The following CCDC92 variants were observed in gnomAD, a reference collection of about 807,000 sequenced individuals.
The protein encoded by CCDC92 is coiled-coil domain containing 92.
CCDC92 carries 12 observed loss-of-function variants against 24.9 expected under a neutral mutation model. The observed-to-expected ratio is 0.48, with a 90% CI of 0.31 to 0.78. CCDC92 has a LOEUF of 0.78. Ranked by LOEUF, CCDC92 falls within the 30% of genes least tolerant of loss-of-function variation. The pLI is 0.05. For synonymous variants in CCDC92, 193 were observed against 196.3 expected, an observed-to-expected ratio of 0.98 and a Z score of 0.14; for missense variants, 399 against 439.4, an observed-to-expected ratio of 0.91 and a Z score of 0.82.
chr12:123,939,810 C>A (rs976831009), intron 4 of CCDC92, among the ~76,000 whole-genome samples: 10 of 152,164 alleles, frequency 6.6e-5, no homozygotes, highest in Non-Finnish European at 1.5e-4. Flanking sequence ...ACTGTAAGAC[C>A]CAGGAGCCCA....
At chr12:123,965,580 G>A (rs556388575) in intron 1 of CCDC92, among the ~76,000 whole-genome samples, 20 of 152,150 alleles carry the variant, frequency 1.3e-4, no homozygotes, top group African/African-American at 3.9e-4. Flanking sequence ...TGAATAACAC[G>A]GTCAAGGTTA....
At chr12:123,939,244 C>T (rs1200080841) in intron 4 of CCDC92, among the ~76,000 whole-genome samples, 2 of 152,170 alleles carry the variant, frequency 1.3e-5, no homozygotes, top group South Asian at 2.1e-4. Flanking sequence ...CGCCACTGGA[C>T]GTCTTTCCCG....
Position 123,967,091 on chromosome 12 carries a change from G to A in CCDC92, c.-60+5438C>T, listed in dbSNP as rs139600399. Among the ~76,000 whole-genome samples the A allele has an allele frequency of 5.3e-5, 8 of 152,126 alleles. No individual in the cohort carries two copies. The East Asian group carries it at 7.7e-4, about 15-fold the overall frequency. On this transcript the variant is annotated intron_variant, in intron 1 of 4. Coordinates refer to ENST00000238156, the MANE Select transcript of CCDC92 (RefSeq NM_025140.3). ...AAACTTGTCAAAAACTGACTTGACC[G>A]CTTTATTGATGGAAAGCAATTCCTC...
At chr12:123,943,238 G>C in intron 3 of CCDC92, 109 bp downstream of exon 3, 2 of 1,222,772 alleles carry the variant, frequency 1.6e-6, no homozygotes, top group Non-Finnish European at 2.3e-6. Flanking sequence ...ATGGACTCCT[G>C]CAACGATGAT....
chr12:123,948,312 ACATTT>A (rs1955935113), intron 1 of CCDC92, among the ~76,000 whole-genome samples: 1 of 152,252 alleles, frequency 6.6e-6, no homozygotes, highest in Non-Finnish European at 1.5e-5. Context: ...GTGTGGTATT[ACATTT>A]CATTTGTAAC....
intron 1 of CCDC92, among the ~76,000 whole-genome samples, chr12:123,956,843 GTAT>G (rs1437904101): frequency 6.6e-6 from 1 of 152,204 alleles, no homozygotes; most frequent in Non-Finnish European, 1.5e-5. Context: ...CAGGACAACT[GTAT>G]TTCATAGATT....
At chr12:123,944,134 A>G (rs1955774331) in intron 2 of CCDC92, 138 bp downstream of exon 2, 1 of 671,224 alleles carries the variant, frequency 1.5e-6, no homozygotes, top group Non-Finnish European at 2.7e-6. Context: ...GGAGCCACAG[A>G]TCCTTCTTGG....
chr12:123,961,396 A>AG (rs1269230957), intron 1 of CCDC92, among the ~76,000 whole-genome samples: 1 of 152,236 alleles, frequency 6.6e-6, no homozygotes, highest in Non-Finnish European at 1.5e-5. Context: ...GAGTTGGGAC[A>AG]GGAGGAAGCA....
intron 1 of CCDC92, among the ~76,000 whole-genome samples, chr12:123,967,157 C>T (rs898115071): frequency 3.3e-5 from 5 of 151,988 alleles, no homozygotes; most frequent in Admixed American, 6.5e-5. Context: ...GATTACACAT[C>T]CTTCCTCCCC....
chr12:123,968,842 G>C (rs1425599918), intron 1 of CCDC92, among the ~76,000 whole-genome samples: 1 of 152,230 alleles, frequency 6.6e-6, no homozygotes, highest in Non-Finnish European at 1.5e-5. Flanking sequence ...GCTAGAGAAC[G>C]AGAGAGTAAC....
In CCDC92 at chr12:123,937,371, C is replaced by T; in HGVS notation, c.683G>A (p.Ser228Asn). The T allele has an allele frequency of 6.2e-7, 1 of 1,614,064 alleles. No homozygotes were observed. Among genetic ancestry groups the T allele is most frequent in the Non-Finnish European group, 8.5e-7 (1 of 1,180,040 alleles). ...TGGTTCCCGCAAAAGGAGTTTCCTG[C>T]TCTCTGCCCCGAATCTGTAGACCTC... The part of the protein sequence containing the change: ...FEEVYRFGAE[S>N]RKLLLREPVD... The change falls in exon 5 of 5, where the codon AGC (serine) becomes AAC (asparagine). Residue 228 changes from serine to asparagine, a missense_variant. Coordinates refer to ENST00000238156, the MANE Select transcript of CCDC92 (RefSeq NM_025140.3). The surrounding 1 kb of genome is among the most constrained non-coding windows in gnomAD (Gnocchi z 8.4).
chr12:123,967,847 A>C (rs1444255167), intron 1 of CCDC92, among the ~76,000 whole-genome samples: 2 of 152,216 alleles, frequency 1.3e-5, no homozygotes, highest in Non-Finnish European at 2.9e-5. Context: ...GGCTTTAATG[A>C]CTTCTCATAA....
chr12:123,959,134 G>A (rs893433884), intron 1 of CCDC92, among the ~76,000 whole-genome samples: 1 of 152,166 alleles, frequency 6.6e-6, no homozygotes, highest in African/African-American at 2.4e-5. Flanking sequence ...CAAGTCACAC[G>A]TAACTCCCGT....
At chr12:123,952,182 G>A (rs1301393187) in intron 1 of CCDC92, among the ~76,000 whole-genome samples, 1 of 152,192 alleles carries the variant, frequency 6.6e-6, no homozygotes, top group Non-Finnish European at 1.5e-5. Flanking sequence ...GTAAACATTG[G>A]TCAATACTTC....
At position 123,937,926 on chromosome 12, in the gene CCDC92, C is replaced by T; in HGVS notation, c.224-96G>A. 7.9e-7 allele frequency: 1 copy of T among 1,266,758 alleles called. No homozygotes were observed. The highest frequency in any genetic ancestry group is 1.1e-6 in the Non-Finnish European group (1 of 918,732). 78.5% of individuals were successfully genotyped at this position (1,266,758 alleles called of 1,614,324 possible). ...CAGGCGGACCTGTCTGGTGGGGGCC[C>T]TGTCTAGGCTGTGGGGGCCATGCAG... On this transcript the variant is annotated intron_variant, in intron 4 of 4. Transcript: ENST00000238156. This position sits in a 1 kb window ranked among gnomAD's most constrained non-coding sequence, Gnocchi z 8.4.
intron 1 of CCDC92, among the ~76,000 whole-genome samples, chr12:123,954,745 T>C (rs564650655): frequency 1.3e-5 from 2 of 152,320 alleles, no homozygotes; most frequent in South Asian, 4.1e-4. Flanking sequence ...GATAGGCAAA[T>C]ACATGTGCTC....
At position 123,944,292 on chromosome 12, in the gene CCDC92, TGTG is replaced by T. The variant is rs1329064771; in HGVS notation, c.11_13del (p.Pro4del). The T allele has an allele frequency of 3.8e-6, 6 of 1,592,968 alleles. No individual in the cohort carries two copies. In the African/African-American group the frequency reaches 4.1e-5, roughly 11 times the overall value. On this transcript the variant is annotated inframe_deletion, in exon 2 of 5. Transcript: ENST00000238156. The stretch of plus-strand genomic sequence containing the variant: ...TCTACCTTCATCGTAACTCGAGAAA[TGTG>T]GTGAAGTCATGGGTCTTTCTGGAAA...
intron 1 of CCDC92, among the ~76,000 whole-genome samples, chr12:123,950,917 C>T (rs1222613156): frequency 6.6e-6 from 1 of 152,206 alleles, no homozygotes; most frequent in Non-Finnish European, 1.5e-5. Context: ...AGCCCCACTG[C>T]TCCAGAGGCC....
rs560073569 is a variant in CCDC92 at position 123,942,731 on chromosome 12, G to A, written c.223+13C>T. ...AAACCTACTGTCATTTACTTCTGGG[G>A]AGGAGTTCTTACCTGTCTGTTCCGA... On this transcript the variant is annotated intron_variant, in intron 4 of 4. Coordinates refer to ENST00000238156, the MANE Select transcript of CCDC92 (RefSeq NM_025140.3). The A allele has an allele frequency of 6.2e-7, 1 of 1,602,226 alleles. No individual in the cohort carries two copies. Among genetic ancestry groups the A allele is most frequent in the Admixed American group, 1.7e-5 (1 of 60,016 alleles).
Sources: gnomAD v4.1 joint callset for allele counts (sites outside exome capture counted in the v4.1 genomes callset) on GRCh38, gnomAD v4.1.1 for gene constraint, Gnocchi (gnomAD v3.1) non-coding constraint, MANE v1.5 for transcripts, NCBI Gene and HGNC (gene_info 2026-07-23, HGNC 2026-07-21) for gene names.